GLRA2: variants seen among roughly 807,000 people sequenced by gnomAD.
The protein encoded by GLRA2 is glycine receptor subunit alpha-2.
In GLRA2, 11 loss-of-function variants were observed where a neutral mutation model predicts 31.6. The observed-to-expected ratio is 0.35, with a 90% CI of 0.22 to 0.58. The LOEUF (loss-of-function observed/expected upper bound fraction) is 0.58, where lower values mean the gene tolerates loss of function less well. Among genes scored for constraint, GLRA2 ranks in the 20% least tolerant of loss-of-function variants. GLRA2 has a pLI of 0.84. For missense variants in GLRA2, 212 were observed against 351.8 expected, an observed-to-expected ratio of 0.60 and a Z score of 3.18; for synonymous variants, 132 against 134.0, an observed-to-expected ratio of 0.99 and a Z score of 0.10.
intron 2 of GLRA2, among the ~76,000 whole-genome samples, chrX:14,555,829 T>C (rs1355800645): frequency 1.8e-5 from 2 of 112,169 alleles, no homozygotes; most frequent in African/African-American, 6.5e-5. Flanking sequence ...GTTCCTTACA[T>C]AAAAATGGCT....
At chrX:14,658,296 A>C (rs909770707) in intron 7 of GLRA2, among the ~76,000 whole-genome samples, 4 of 111,676 alleles carry the variant, frequency 3.6e-5, no homozygotes, top group African/African-American at 1.3e-4. Context: ...AACCCTTATA[A>C]AGTTAGGCTG....
chrX:14,591,054 G>T (rs1366930741), intron 4 of GLRA2, among the ~76,000 whole-genome samples: 1 of 111,764 alleles, frequency 8.9e-6, no homozygotes, highest in Non-Finnish European at 1.9e-5. Context: ...TTGTATGTAT[G>T]ACAGACTCTC....
At chrX:14,473,555 C>T in the GLRA2 span, among the ~76,000 whole-genome samples, 4 of 112,151 alleles carry the variant, frequency 3.6e-5, no homozygotes, top group East Asian at 1.1e-3. Flanking sequence ...GCTGATTGCT[C>T]ACTGTGTTAC....
the GLRA2 span, among the ~76,000 whole-genome samples, chrX:14,471,845 G>T: frequency 8.9e-6 from 1 of 112,164 alleles, no homozygotes; most frequent in African/African-American, 3.2e-5. Flanking sequence ...TGAGGTAACT[G>T]GGTTTTATAC....
At chrX:14,513,012 A>G in the GLRA2 span, among the ~76,000 whole-genome samples, 1 of 112,158 alleles carries the variant, frequency 8.9e-6, no homozygotes, top group South Asian at 3.7e-4. Flanking sequence ...TGTGACTTCA[A>G]ACTATACTAT....
At chrX:14,670,660 G>A (rs1196252239) in intron 7 of GLRA2, among the ~76,000 whole-genome samples, 1 of 110,943 alleles carries the variant, frequency 9.0e-6, no homozygotes, top group East Asian at 2.8e-4. Flanking sequence ...AACAGCACGG[G>A]AAAGACCTGC....
intron 8 of GLRA2, among the ~76,000 whole-genome samples, chrX:14,698,182 T>C (rs1282652274): frequency 9.0e-6 from 1 of 111,370 alleles, no homozygotes; most frequent in Non-Finnish European, 1.9e-5. Flanking sequence ...TCACCATGGA[T>C]TTTTTGTATT....
At chrX:14,681,910 A>AAAAAAATATAT (rs758563376) in intron 7 of GLRA2, among the ~76,000 whole-genome samples, 50 of 41,280 alleles carry the variant, frequency 1.2e-3, no homozygotes, top group African/African-American at 5.2e-3. Flanking sequence ...AAAAAAAAAA[A>AAAAAAATATAT]ATATATATAT....
chrX:14,713,659 CT>C (rs1268263834), intron 8 of GLRA2, among the ~76,000 whole-genome samples: 2 of 111,542 alleles, frequency 1.8e-5, no homozygotes, highest in African/African-American at 6.5e-5. Context: ...ATAGAAAATT[CT>C]ATTCAAAATA....
At chrX:14,518,095 CAT>C in the GLRA2 span, among the ~76,000 whole-genome samples, 2 of 111,210 alleles carry the variant, frequency 1.8e-5, no homozygotes, top group Non-Finnish European at 1.9e-5. Context: ...GGTCAGTAAA[CAT>C]ATTGAAATGG....
At chrX:14,473,161 T>C in the GLRA2 span, among the ~76,000 whole-genome samples, 1 of 111,802 alleles carries the variant, frequency 8.9e-6, no homozygotes, top group African/African-American at 3.3e-5. Context: ...TTATTAACAA[T>C]TGGAAGACTT....
chrX:14,633,063 G>A (rs2090668787), intron 7 of GLRA2, among the ~76,000 whole-genome samples: 1 of 111,880 alleles, frequency 8.9e-6, no homozygotes, highest in Non-Finnish European at 1.9e-5. Flanking sequence ...GCATGGTTAT[G>A]TTCCAATAAA....
At chrX:14,614,607 T>C (rs1325073978) in intron 7 of GLRA2, among the ~76,000 whole-genome samples, 1 of 112,222 alleles carries the variant, frequency 8.9e-6, no homozygotes, top group Non-Finnish European at 1.9e-5. Flanking sequence ...CTAATCTTTC[T>C]GCTTTCACCC....
intron 2 of GLRA2, among the ~76,000 whole-genome samples, chrX:14,550,321 C>T (rs1321174512): frequency 1.9e-5 from 2 of 106,500 alleles, no homozygotes; most frequent in Non-Finnish European, 3.9e-5. Flanking sequence ...GAAAGGGAGA[C>T]TGAAAGTACG....
chrX:14,706,923 C>G (rs185361028), intron 8 of GLRA2, among the ~76,000 whole-genome samples: 120 of 112,172 alleles, frequency 1.1e-3, no homozygotes, highest in Non-Finnish European at 1.7e-3. Context: ...TGCTGAATGT[C>G]GTACAGCCAA....
intron 2 of GLRA2, among the ~76,000 whole-genome samples, chrX:14,558,985 A>C (rs1483944175): frequency 9.1e-6 from 1 of 110,229 alleles, no homozygotes; most frequent in Non-Finnish European, 1.9e-5. Context: ...CCACCATGCC[A>C]GGCTAATTTT....
At chrX:14,587,155 T>C (rs1459595090) in intron 4 of GLRA2, among the ~76,000 whole-genome samples, 1 of 112,395 alleles carries the variant, frequency 8.9e-6, no homozygotes, top group Non-Finnish European at 1.9e-5. Context: ...GGCTGCGTAG[T>C]ATTCTATGGT....
chrX:14,458,772 G>A, the GLRA2 span, among the ~76,000 whole-genome samples: 2 of 111,305 alleles, frequency 1.8e-5, no homozygotes, highest in African/African-American at 3.3e-5. Flanking sequence ...CTGGATATTA[G>A]CCCTTTGTCA....
At chrX:14,613,675 C>G (rs2090425818) in intron 7 of GLRA2, among the ~76,000 whole-genome samples, 1 of 111,189 alleles carries the variant, frequency 9.0e-6, no homozygotes, top group Non-Finnish European at 1.9e-5. Flanking sequence ...ATCCTGGAAC[C>G]AATCCCCTGT....
Sources: gnomAD v4.1 joint callset for allele counts (sites outside exome capture counted in the v4.1 genomes callset) on GRCh38, gnomAD v4.1.1 for gene constraint, MANE v1.5 for transcripts, NCBI Gene and HGNC (gene_info 2026-07-23, HGNC 2026-07-21) for gene names.